PPP4R2: variants seen among roughly 807,000 people sequenced by gnomAD.
PPP4R2 encodes the protein serine/threonine-protein phosphatase 4 regulatory subunit 2.
Under a neutral mutation model 47.2 loss-of-function variants are expected in PPP4R2, and 13 were observed. The ratio of observed to expected loss-of-function variants is 0.28; its 90% CI spans 0.18 to 0.44. The LOEUF (loss-of-function observed/expected upper bound fraction) is 0.44. Ranked by LOEUF, PPP4R2 falls within the 20% of genes least tolerant of loss-of-function variation. PPP4R2 has a pLI of 1.00. For synonymous variants in PPP4R2, 151 were observed against 163.3 expected (o/e 0.92, Z 0.57); for missense variants, 421 against 491.2 (o/e 0.86, Z 1.35).
intron 2 of PPP4R2, among the ~76,000 whole-genome samples, chr3:73,029,918 G>T (rs1469775056): frequency 1.3e-5 from 2 of 152,196 alleles, no homozygotes; most frequent in African/African-American, 2.4e-5. Context: ...CTAACCAGTG[G>T]ATTTAGCAAT....
chr3:73,015,871 C>A, intron 2 of PPP4R2: 1 of 394,174 alleles, frequency 2.5e-6, no homozygotes, highest in South Asian at 1.7e-5. Flanking sequence ...ATCTCCTGAC[C>A]TCGTGATCTA....
intron 2 of PPP4R2, among the ~76,000 whole-genome samples, chr3:73,011,229 C>T (rs1701718998): frequency 6.6e-6 from 1 of 152,204 alleles, no homozygotes; most frequent in Non-Finnish European, 1.5e-5. Context: ...CCTGTAATCG[C>T]AGCACTTTGG....
chr3:73,003,136 AT>A (rs1352401878), intron 2 of PPP4R2, among the ~76,000 whole-genome samples: 1 of 150,118 alleles, frequency 6.7e-6, no homozygotes, highest in Non-Finnish European at 1.5e-5. Context: ...TTTTTTACAT[AT>A]TCTCTATTTC....
chr3:73,006,133 A>G (rs1483939729), intron 2 of PPP4R2, among the ~76,000 whole-genome samples: 1 of 151,500 alleles, frequency 6.6e-6, no homozygotes, highest in African/African-American at 2.4e-5. Flanking sequence ...TCTTCTATTC[A>G]ACATAGTTTG....
At chr3:73,020,441 C>T (rs571329482) in intron 2 of PPP4R2, among the ~76,000 whole-genome samples, 81 of 152,194 alleles carry the variant, frequency 5.3e-4, no homozygotes, top group African/African-American at 1.7e-3. Context: ...TCAGGCGGAT[C>T]GCTTGAGCCC....
intron 2 of PPP4R2, among the ~76,000 whole-genome samples, chr3:73,011,404 G>A (rs1239079278): frequency 1.3e-5 from 2 of 152,132 alleles, no homozygotes; most frequent in East Asian, 1.9e-4. Context: ...TCGCTGGAAC[G>A]CGGGAGGCAG....
At chr3:73,058,978 T>C (rs1702787381) in intron 3 of PPP4R2, 59 bp from the exon 4 acceptor site, 4 of 1,036,380 alleles carry the variant, frequency 3.9e-6, no homozygotes, top group Middle Eastern at 3.0e-4. Context: ...AAAGAAATAA[T>C]GTTCCTCGTT....
At chr3:73,062,553 G>T (rs747547555) in intron 5 of PPP4R2, 1 of 1,613,852 alleles carries the variant, frequency 6.2e-7, no homozygotes, top group East Asian at 2.2e-5. Context: ...GAATGAGAAC[G>T]AGGAAAGGGG....
chr3:73,019,614 T>TG (rs1701919182), intron 2 of PPP4R2, among the ~76,000 whole-genome samples: 1 of 152,230 alleles, frequency 6.6e-6, no homozygotes, highest in South Asian at 2.1e-4. Context: ...CCTCAGATGA[T>TG]CTGCTCCCTT....
intron 2 of PPP4R2, among the ~76,000 whole-genome samples, chr3:73,039,883 G>A (rs912456513): frequency 8.5e-5 from 13 of 152,094 alleles, no homozygotes; most frequent in African/African-American, 2.7e-4. Flanking sequence ...GCGAAACACC[G>A]TCTCTACTAA....
chr3:73,040,360 T>G (rs1469060167), intron 2 of PPP4R2, among the ~76,000 whole-genome samples: 1 of 152,218 alleles, frequency 6.6e-6, no homozygotes, highest in Non-Finnish European at 1.5e-5. Context: ...ACGTATGTAC[T>G]TCATACTTCG....
intron 2 of PPP4R2, among the ~76,000 whole-genome samples, chr3:73,041,581 A>G (rs1277879812): frequency 6.6e-6 from 1 of 152,206 alleles, no homozygotes; most frequent in Non-Finnish European, 1.5e-5. Flanking sequence ...TTATTTATTC[A>G]TTCTTCTCAG....
At chr3:73,004,290 C>T (rs1296120454) in intron 2 of PPP4R2, among the ~76,000 whole-genome samples, 2 of 152,038 alleles carry the variant, frequency 1.3e-5, no homozygotes, top group Non-Finnish European at 2.9e-5. Flanking sequence ...ATCCTCCCGC[C>T]TGTGCCTCCC....
At chr3:73,063,285 A>G (rs1263398010) in intron 5 of PPP4R2, 2 of 262,036 alleles carry the variant, frequency 7.6e-6, no homozygotes, top group Non-Finnish European at 1.5e-5. Context: ...TCATAGATCC[A>G]TGCACTCCTA....
chr3:73,035,232 A>G (rs1331298095), intron 2 of PPP4R2, among the ~76,000 whole-genome samples: 3 of 152,150 alleles, frequency 2.0e-5, no homozygotes, highest in Non-Finnish European at 2.9e-5. Flanking sequence ...CCCCAGTTAA[A>G]TGACCATTAT....
intron 2 of PPP4R2, among the ~76,000 whole-genome samples, chr3:73,007,015 C>G (rs1368443552): frequency 6.6e-6 from 1 of 152,170 alleles, no homozygotes; most frequent in African/African-American, 2.4e-5. Flanking sequence ...GTTCTGCTCT[C>G]TAGTTTGGTC....
intron 2 of PPP4R2, among the ~76,000 whole-genome samples, chr3:72,998,784 A>C (rs1701403781): frequency 6.6e-6 from 1 of 152,206 alleles, no homozygotes. Context: ...GGCTGTGTTC[A>C]GAAGGAACAT....
At chr3:73,035,742 G>A (rs1249015364) in intron 2 of PPP4R2, among the ~76,000 whole-genome samples, 1 of 151,648 alleles carries the variant, frequency 6.6e-6, no homozygotes, top group Non-Finnish European at 1.5e-5. Context: ...CTCCTGCTTC[G>A]GCCTCCCCAA....
intron 2 of PPP4R2, among the ~76,000 whole-genome samples, chr3:73,045,287 G>A (rs1702458630): frequency 6.6e-6 from 1 of 152,050 alleles, no homozygotes; most frequent in African/African-American, 2.4e-5. Context: ...ACAGGCGTGA[G>A]CCACCACACC....
Sources: allele counts gnomAD v4.1 joint callset (sites outside exome capture counted in the v4.1 genomes callset), GRCh38; gene constraint gnomAD v4.1.1; transcripts MANE v1.5; gene names NCBI Gene and HGNC (gene_info 2026-07-23, HGNC 2026-07-21).